The following EBF1 variants were observed in gnomAD, a reference collection of about 807,000 sequenced individuals.
The protein encoded by EBF1 is EBF transcription factor 1, also known as transcription factor COE1.
Under a neutral mutation model 68.4 loss-of-function variants are expected in EBF1, and 10 were observed. The observed-to-expected ratio is 0.15, with a 90% CI of 0.09 to 0.25. The LOEUF (loss-of-function observed/expected upper bound fraction) is 0.25. EBF1 is among the 10% of genes least tolerant of loss of function. The pLI is 1.00. For synonymous variants in EBF1, 298 were observed against 299.8 expected (o/e 0.99, Z 0.06); for missense variants, 509 against 794.4 (o/e 0.64, Z 4.32).
intron 8 of EBF1, among the ~76,000 whole-genome samples, chr5:158,819,476 A>C (rs776365551): frequency 1.3e-5 from 2 of 152,240 alleles, no homozygotes; most frequent in African/African-American, 4.8e-5. Context: ...CTGATGCCAC[A>C]GTTGGCCTTG....
At chr5:159,057,596 T>C (rs950017625) in intron 6 of EBF1, among the ~76,000 whole-genome samples, 2 of 152,126 alleles carry the variant, frequency 1.3e-5, no homozygotes, top group Non-Finnish European at 2.9e-5. Context: ...CCCAGAGTAG[T>C]AGTAGAAAAG....
chr5:158,723,474 C>T (rs1365692024), intron 11 of EBF1, among the ~76,000 whole-genome samples: 1 of 152,126 alleles, frequency 6.6e-6, no homozygotes, highest in Non-Finnish European at 1.5e-5. Flanking sequence ...TTAGTTAGTG[C>T]TTATCAGGCA....
chr5:158,939,237 TA>T (rs1812728573), intron 6 of EBF1, among the ~76,000 whole-genome samples: 2 of 152,086 alleles, frequency 1.3e-5, no homozygotes, highest in South Asian at 4.2e-4. Context: ...AACTAGAAAC[TA>T]ACCCTCAAGG....
At chr5:158,905,381 C>T (rs1449364727) in intron 6 of EBF1, among the ~76,000 whole-genome samples, 1 of 152,144 alleles carries the variant, frequency 6.6e-6, no homozygotes, top group African/African-American at 2.4e-5. Context: ...CTTGCACTCT[C>T]TTGATCATGA....
chr5:158,843,637 T>G (rs1423410950), intron 6 of EBF1, among the ~76,000 whole-genome samples: 1 of 152,160 alleles, frequency 6.6e-6, no homozygotes, highest in Admixed American at 6.5e-5. Context: ...CAAGCCCTTA[T>G]GTGGAAAAGA....
chr5:158,961,229 A>G (rs1818127989), intron 6 of EBF1, among the ~76,000 whole-genome samples: 1 of 152,216 alleles, frequency 6.6e-6, no homozygotes, highest in Admixed American at 6.5e-5. Flanking sequence ...TAAACAGTAT[A>G]ACCTTTTTGG....
chr5:158,859,540 C>T (rs1794627833), intron 6 of EBF1, among the ~76,000 whole-genome samples: 1 of 152,156 alleles, frequency 6.6e-6, no homozygotes, highest in Non-Finnish European at 1.5e-5. Flanking sequence ...TAGAAGGGGT[C>T]AAGAGGGTTG....
intron 6 of EBF1, among the ~76,000 whole-genome samples, chr5:158,995,026 C>A (rs1761126034): frequency 6.6e-6 from 1 of 152,166 alleles, no homozygotes; most frequent in Admixed American, 6.5e-5. Context: ...GAAGCCAGGG[C>A]CTTCTAATTG....
intron 11 of EBF1, among the ~76,000 whole-genome samples, chr5:158,720,141 T>G (rs1561733520): frequency 6.6e-6 from 1 of 152,204 alleles, no homozygotes; most frequent in Non-Finnish European, 1.5e-5. Flanking sequence ...GATAAGCACC[T>G]ATCAATGAAA....
chr5:158,722,700 A>C (rs962356962), intron 11 of EBF1, among the ~76,000 whole-genome samples: 1 of 152,228 alleles, frequency 6.6e-6, no homozygotes, highest in Admixed American at 6.5e-5. Flanking sequence ...GATAATTCTC[A>C]AGCCTTTACA....
chr5:158,748,456 T>A (rs1351726197), intron 10 of EBF1, among the ~76,000 whole-genome samples: 1 of 152,096 alleles, frequency 6.6e-6, no homozygotes, highest in Non-Finnish European at 1.5e-5. Context: ...TCCTGGGGAG[T>A]CTTTTAACTG....
At chr5:158,960,107 A>AC (rs1817875687) in intron 6 of EBF1, among the ~76,000 whole-genome samples, 1 of 152,208 alleles carries the variant, frequency 6.6e-6, no homozygotes. Flanking sequence ...GGGGAAGGAA[A>AC]GGAGGGGACA....
intron 6 of EBF1, among the ~76,000 whole-genome samples, chr5:158,969,886 AAG>A (rs1491573317): frequency 9.2e-6 from 1 of 108,660 alleles, no homozygotes; most frequent in Non-Finnish European, 2.1e-5. Flanking sequence ...GAAAGAAAGA[AAG>A]AAAGAAAGAA....
rs767393570 is a variant in EBF1, at chr5:158,770,641, C to T, written c.1036+6772G>A. 3.5e-4 allele frequency among the ~76,000 whole-genome samples: 54 copies of T among 152,200 alleles called. No individual in the cohort carries two copies. The Middle Eastern group carries it at 0.014, about 38-fold the overall frequency. On this transcript the variant is annotated intron_variant, in intron 10 of 15. Coordinates refer to ENST00000313708, the MANE Select transcript of EBF1 (RefSeq NM_024007.5). ...CAATTCTTACAGCCGTCCAAGGTACCGTGTTTCCTCCCACCCAGGGCCTTC... is the reference window on the plus strand; with the variant it reads ...CAATTCTTACAGCCGTCCAAGGTACTGTGTTTCCTCCCACCCAGGGCCTTC...
At chr5:158,936,759 C>T (rs552122966) in intron 6 of EBF1, among the ~76,000 whole-genome samples, 1 of 152,282 alleles carries the variant, frequency 6.6e-6, no homozygotes, top group East Asian at 1.9e-4. Flanking sequence ...GCCCTGTAAC[C>T]TTAATCTTGT....
In EBF1 at chr5:158,726,310, T is replaced by C. The variant is rs1482132856; in HGVS notation, c.1125+4759A>G. 2.0e-5 allele frequency among the ~76,000 whole-genome samples: 3 copies of C among 152,198 alleles called. No individual in the cohort carries two copies. The East Asian group carries it at 5.8e-4, about 29-fold the overall frequency. ...AGGCTCTGAAGTCAATTCTGTACTA[T>C]ACATGCTTCATAAAAGATGAATATA... On this transcript the variant is annotated intron_variant, in intron 11 of 15. Transcript: ENST00000313708.
At chr5:159,013,420 C>A (rs775374414) in intron 6 of EBF1, among the ~76,000 whole-genome samples, 1 of 152,140 alleles carries the variant, frequency 6.6e-6, no homozygotes, top group Non-Finnish European at 1.5e-5. Context: ...AACAAAGAAG[C>A]CTGACAACTC....
At chr5:158,986,025 A>C (rs1436379337) in intron 6 of EBF1, 2 of 152,528 alleles carry the variant, frequency 1.3e-5, no homozygotes, top group Non-Finnish European at 2.9e-5. Flanking sequence ...GCAATGGCAC[A>C]TCAGCAAAGC....
rs373458526 is a variant in EBF1 at position 159,000,498 on chromosome 5, TGACA to T, written c.554+72894_554+72897del. On this transcript the variant is annotated intron_variant, in intron 6 of 15. Transcript: ENST00000313708. Reference sequence around the variant, plus strand: ...CAGCATTTTTACTTGAAAATACAACTGACAAACTATGGCTTTTCAAACTTGTGTA... The same window carrying T: ...CAGCATTTTTACTTGAAAATACAACTAACTATGGCTTTTCAAACTTGTGTA... Among the ~76,000 whole-genome samples the T allele has an allele frequency of 3.6e-3, 550 of 152,312 alleles. 2 individuals carry two copies. The highest frequency in any genetic ancestry group is 0.012 in the African/African-American group (503 of 41,578).
Sources: gnomAD v4.1 joint callset for allele counts (sites outside exome capture counted in the v4.1 genomes callset) on GRCh38, gnomAD v4.1.1 for gene constraint, MANE v1.5 for transcripts, NCBI Gene and HGNC (gene_info 2026-07-23, HGNC 2026-07-21) for gene names.